Variants in BDP1 observed in about 807,000 individuals in gnomAD.
BDP1 encodes the protein BDP1 general transcription factor IIIB subunit, also known as transcription factor TFIIIB component B'' homolog.
BDP1 carries 169 observed loss-of-function variants against 266.6 expected under a neutral mutation model. The ratio of observed to expected loss-of-function variants is 0.63; its 90% CI spans 0.56 to 0.72. The LOEUF (loss-of-function observed/expected upper bound fraction) is 0.72. Among genes scored for constraint, BDP1 ranks in the 30% least tolerant of loss-of-function variants. BDP1 has a pLI of 0.00. For synonymous variants in BDP1, 1,090 were observed against 1,022.4 expected, an observed-to-expected ratio of 1.07 and a Z score of -1.26; for missense variants, 3,015 against 3,053.8, an observed-to-expected ratio of 0.99 and a Z score of 0.30.
At chr5:71,487,188 GA>G (rs1561696827) in intron 9 of BDP1, among the ~76,000 whole-genome samples, 1 of 152,132 alleles carries the variant, frequency 6.6e-6, no homozygotes, top group African/African-American at 2.4e-5. Flanking sequence ...GAACTATAGG[GA>G]ACCTTATATG....
In BDP1 at chr5:71,545,134, A is replaced by G. The variant is rs774039916; in HGVS notation, c.6659A>G (p.Asp2220Gly). 2 of 1,613,782 alleles carry G rather than the reference A, an allele frequency of 1.2e-6. No individual in the cohort carries two copies. The highest frequency in any genetic ancestry group is 1.7e-6 in the Non-Finnish European group (2 of 1,179,934). Residue 2220 changes from aspartate (D) to glycine (G), a missense_variant, in exon 32 of 39, where the codon GAT (aspartate) becomes GGT (glycine). Transcript: ENST00000358731. Reference protein sequence around the residue: ...SETGPCTLGLDRGLGENSVEE... With the variant: ...SETGPCTLGLGRGLGENSVEE... ...ACAGGGCCCTGCACACTTGGTTTGG[A>G]TAGGGGTCTTGGTGAAAATTCTGTT...
chr5:71,458,630 C>T lies in BDP1; in HGVS notation c.264C>T (p.Ser88=). ...DNDVEESSRS[S]STVSQRRKRI... Reference sequence around the variant, plus strand: ...ATGTTGAAGAATCCAGTAGATCTTCCTCTACTGTTTCACAGAGAAGAAAGC... The same window carrying T: ...ATGTTGAAGAATCCAGTAGATCTTCTTCTACTGTTTCACAGAGAAGAAAGC... The change falls in exon 2 of 39, where the codon TCC becomes TCT. Residue 88 remains serine, a synonymous_variant. Coordinates refer to ENST00000358731, the MANE Select transcript of BDP1 (RefSeq NM_018429.3). 2 of 1,607,944 alleles carry T rather than the reference C, an allele frequency of 1.2e-6. No homozygotes were observed. Among genetic ancestry groups the T allele is most frequent in the Non-Finnish European group, 1.7e-6 (2 of 1,174,400 alleles).
chr5:71,537,289 C>T (rs1237018539), intron 26 of BDP1, among the ~76,000 whole-genome samples: 1 of 151,650 alleles, frequency 6.6e-6, no homozygotes, highest in African/African-American at 2.4e-5. Context: ...ATACCCAAGA[C>T]AGTCAAAGCC....
intron 2 of BDP1, among the ~76,000 whole-genome samples, chr5:71,460,308 A>T (rs1404399146): frequency 2.6e-5 from 4 of 152,234 alleles, no homozygotes; most frequent in Non-Finnish European, 5.9e-5. Context: ...TGAACCTGGG[A>T]GGCAGAGGTT....
intron 15 of BDP1, 92 bp from the exon 16 acceptor site, chr5:71,504,529 A>G: frequency 8.8e-7 from 1 of 1,132,614 alleles, no homozygotes. Flanking sequence ...TGAATTTTTT[A>G]CCATTTTATA....
chr5:71,546,385 G>A (rs1321546639), intron 32 of BDP1, among the ~76,000 whole-genome samples: 18 of 151,904 alleles, frequency 1.2e-4, no homozygotes, highest in African/African-American at 3.4e-4. Flanking sequence ...TTGGGAGGCC[G>A]AGGTGGGCAG....
At position 71,523,940 on chromosome 5, in the gene BDP1, T is replaced by C. The variant is rs1351435067; in HGVS notation, c.5389T>C (p.Cys1797Arg). Residue 1797 changes from cysteine to arginine, a missense_variant and splice_region_variant, in exon 25 of 39, where the codon TGT becomes CGT. Coordinates refer to ENST00000358731, the MANE Select transcript of BDP1 (RefSeq NM_018429.3). ...EEQYLNKLTS[C>R]PQPLNETSYS... ...TTGTTGTTTTGATTAAATATCTAGC[T>C]GTCCACAACCGTTAAACGAAACAAG... is the stretch of plus-strand genomic sequence containing the variant. 4 of 1,603,832 alleles carry C rather than the reference T, an allele frequency of 2.5e-6. No homozygotes were observed. Among genetic ancestry groups the C allele is most frequent in the Non-Finnish European group, 3.4e-6 (4 of 1,174,964 alleles).
rs752777415 is a variant in BDP1, at chr5:71,564,835, T to G, written c.7825T>G (p.Ser2609Ala). ...CCCTCAAGGGGAGGCAACCACAGTC[T>G]CTGAATATTTCTTCAATGATATCTT... is the stretch of plus-strand genomic sequence containing the variant. ...RAPQGEATTV[S>A]EYFFNDIFIE... Residue 2609 changes from serine to alanine, a missense_variant, in exon 39 of 39, where the codon TCT becomes GCT. Transcript: ENST00000358731. 1.2e-6 allele frequency: 2 copies of G among 1,610,908 alleles called. No individual in the cohort carries two copies. The highest frequency in any genetic ancestry group is 1.7e-6 in the Non-Finnish European group (2 of 1,179,464).
intron 36 of BDP1, among the ~76,000 whole-genome samples, chr5:71,559,146 T>G (rs1743445654): frequency 1.3e-5 from 2 of 152,136 alleles, no homozygotes; most frequent in African/African-American, 2.4e-5. Context: ...AGAGCGAGAC[T>G]CTGTCTCAAA....
chr5:71,573,074 C>A, the BDP1 span, among the ~76,000 whole-genome samples: 3 of 151,892 alleles, frequency 2.0e-5, no homozygotes, highest in Non-Finnish European at 4.4e-5. Flanking sequence ...ACTAAAAATA[C>A]AAAAATTAGC....
intron 16 of BDP1, among the ~76,000 whole-genome samples, chr5:71,505,350 C>G (rs1764521813): frequency 6.6e-6 from 1 of 152,126 alleles, no homozygotes; most frequent in South Asian, 2.1e-4. Flanking sequence ...TGTTTATGTT[C>G]AAATGTAAAA....
Position 71,539,051 on chromosome 5 carries a change from A to G in BDP1, c.5902A>G (p.Thr1968Ala), listed in dbSNP as rs757112815. Residue 1968 changes from threonine to alanine, a missense_variant, in exon 27 of 39, where the codon ACA becomes GCA. Coordinates refer to ENST00000358731, the MANE Select transcript of BDP1 (RefSeq NM_018429.3). The part of the protein sequence containing the change: ...ENLSVPFEMT[T>A]SEHIQDEPGT... ...TTTTTTTCCTTTTTAGGAAATGACC[A>G]CAAGTGAACATATCCAAGATGAACC... The G allele has an allele frequency of 1.9e-6, 3 of 1,601,390 alleles. No homozygotes were observed. The highest frequency in any genetic ancestry group is 1.3e-5 in the African/African-American group (1 of 74,652).
At chr5:71,504,958 A>G (rs1158482839) in intron 16 of BDP1, among the ~76,000 whole-genome samples, 3 of 152,218 alleles carry the variant, frequency 2.0e-5, no homozygotes, top group African/African-American at 7.2e-5. Flanking sequence ...AAAGCTACTC[A>G]TCGTAAATTA....
intron 25 of BDP1, 91 bp downstream of exon 25, chr5:71,524,414 AT>A: frequency 7.7e-7 from 1 of 1,299,746 alleles, no homozygotes; most frequent in Non-Finnish European, 1.1e-6. Flanking sequence ...TCTCGTAGTG[AT>A]TATTAGGATT....
At chr5:71,532,155 A>T (rs977475868) in intron 25 of BDP1, among the ~76,000 whole-genome samples, 153 bp from the exon 26 acceptor site, 1 of 152,228 alleles carries the variant, frequency 6.6e-6, no homozygotes, top group African/African-American at 2.4e-5. Flanking sequence ...TCAGTCAATA[A>T]AAGAATTACT....
chr5:71,496,158 C>T (rs550473938), intron 12 of BDP1, among the ~76,000 whole-genome samples: 181 of 149,024 alleles, frequency 1.2e-3, no homozygotes, highest in African/African-American at 4.2e-3. Flanking sequence ...AGGAGAATGG[C>T]GTGAACCTGG....
downstream of BDP1, among the ~76,000 whole-genome samples, chr5:71,572,495 A>G (rs1401254584): frequency 6.6e-6 from 1 of 152,250 alleles, no homozygotes; most frequent in Non-Finnish European, 1.5e-5. Context: ...GGCAGCGGAT[A>G]TAAGGTCAGT....
chr5:71,475,653 T>G (rs1762535414), intron 7 of BDP1: 1 of 152,418 alleles, frequency 6.6e-6, no homozygotes, highest in Non-Finnish European at 1.5e-5. Flanking sequence ...CATGTTATTT[T>G]TCAATGTGTA....
In BDP1 at chr5:71,524,077, A is replaced by G; in HGVS notation, c.5526A>G (p.Arg1842=). The change falls in exon 25 of 39, where the codon AGA becomes AGG. Residue 1842 remains arginine (R), a synonymous_variant. Coordinates refer to ENST00000358731, the MANE Select transcript of BDP1 (RefSeq NM_018429.3). The part of the protein sequence containing the change: ...SHKKFKPNVT[R]GRGSKRVRGK... ...AAAAGTTCAAACCAAATGTCACCAG[A>G]GGTCGTGGATCAAAACGAGTTCGGG... The G allele has an allele frequency of 6.2e-7, 1 of 1,614,230 alleles. No homozygotes were observed.
Sources: allele counts gnomAD v4.1 joint callset (sites outside exome capture counted in the v4.1 genomes callset), GRCh38; gene constraint gnomAD v4.1.1; transcripts MANE v1.5; gene names NCBI Gene and HGNC (gene_info 2026-07-23, HGNC 2026-07-21).